The following ATXN7L1 variants were observed in gnomAD, a reference collection of about 807,000 sequenced individuals.
ATXN7L1 encodes the protein ataxin-7-like protein 1.
Under a neutral mutation model 70.8 loss-of-function variants are expected in ATXN7L1, and 15 were observed. The observed-to-expected ratio is 0.21, with a 90% CI of 0.14 to 0.33. The LOEUF is 0.33. ATXN7L1 is among the 10% of genes least tolerant of loss of function. ATXN7L1 has a pLI of 1.00. For synonymous variants in ATXN7L1, 440 were observed against 445.1 expected (o/e 0.99, Z 0.14); for missense variants, 975 against 1,097.1 (o/e 0.89, Z 1.57).
intron 3 of ATXN7L1, among the ~76,000 whole-genome samples, chr7:105,780,520 T>A (rs1803371073): frequency 6.6e-6 from 1 of 152,146 alleles, no homozygotes; most frequent in African/African-American, 2.4e-5. Flanking sequence ...CTCTTGTCTA[T>A]TGAATGACAT....
rs201514886 is a variant in ATXN7L1, at chr7:105,664,563, A to ATGTGTG, written c.578+502_578+503insCACACA. ...TATGTATAATATACATATATATATT[A>ATGTGTG]TGTATGTGTGTGTATATATATATAT... is the stretch of plus-strand genomic sequence containing the variant. On this transcript the variant is annotated intron_variant, in intron 4 of 11. Transcript: ENST00000419735. Among the ~76,000 whole-genome samples, 1,157 of 134,608 alleles carry ATGTGTG rather than the reference A, an allele frequency of 8.6e-3. 71 individuals are homozygous for ATGTGTG. Among genetic ancestry groups the ATGTGTG allele is most frequent in the African/African-American group, 0.033 (1,096 of 33,124 alleles). The allele number at this position is 134,608 out of a possible 152,430, so 88.3% of individuals were successfully genotyped here.
chr7:105,761,141 C>A, intron 3 of ATXN7L1: 2 of 1,215,638 alleles, frequency 1.6e-6, no homozygotes, highest in Non-Finnish European at 2.0e-6. Context: ...GCAGCTTAGA[C>A]CAGCTTTGTG....
intron 4 of ATXN7L1, among the ~76,000 whole-genome samples, chr7:105,656,719 C>T (rs912433065): frequency 5.3e-5 from 8 of 151,984 alleles, no homozygotes; most frequent in South Asian, 4.2e-4. Context: ...TACAGGTGCC[C>T]GCCACTACAC....
At chr7:105,850,322 C>G (rs1407985822) in intron 2 of ATXN7L1, among the ~76,000 whole-genome samples, 1 of 152,192 alleles carries the variant, frequency 6.6e-6, no homozygotes, top group African/African-American at 2.4e-5. Context: ...CCTTCACCAG[C>G]ACACTGTTCC....
chr7:105,714,997 C>T (rs1794368995), intron 3 of ATXN7L1, among the ~76,000 whole-genome samples: 1 of 152,166 alleles, frequency 6.6e-6, no homozygotes, highest in African/African-American at 2.4e-5. Context: ...CCCTCTGAGA[C>T]CTCCTGACTG....
At chr7:105,618,676 G>A (rs893116966) in intron 9 of ATXN7L1, among the ~76,000 whole-genome samples, 1 of 152,228 alleles carries the variant, frequency 6.6e-6, no homozygotes, top group East Asian at 1.9e-4. Context: ...CAGCTGGGGG[G>A]CCTCAGCTGT....
intron 2 of ATXN7L1, among the ~76,000 whole-genome samples, chr7:105,869,834 T>G (rs2392640): frequency 0.085 from 12,917 of 152,178 alleles, 1,845 homozygotes; most frequent in African/African-American, 0.29. Context: ...ATAAAACAAC[T>G]TATCGATCAT....
At chr7:105,849,275 A>T (rs977089673) in intron 2 of ATXN7L1, among the ~76,000 whole-genome samples, 6 of 152,196 alleles carry the variant, frequency 3.9e-5, no homozygotes, top group Admixed American at 3.3e-4. Flanking sequence ...CTCCTTGACA[A>T]CACCACAACT....
chr7:105,751,962 T>C (rs1171173764), intron 3 of ATXN7L1, among the ~76,000 whole-genome samples: 2 of 152,212 alleles, frequency 1.3e-5, no homozygotes, highest in Non-Finnish European at 2.9e-5. Flanking sequence ...ATATCAGCTC[T>C]CAAGGGAAGA....
At chr7:105,746,412 C>T (rs1798593443) in intron 3 of ATXN7L1, among the ~76,000 whole-genome samples, 2 of 152,216 alleles carry the variant, frequency 1.3e-5, no homozygotes, top group Admixed American at 6.5e-5. Context: ...CACTCCTTGA[C>T]ACTTCAGGCA....
intron 6 of ATXN7L1, 103 bp from the exon 7 acceptor site, chr7:105,638,712 G>A: frequency 1.4e-6 from 2 of 1,410,470 alleles, no homozygotes; most frequent in South Asian, 3.0e-5. Flanking sequence ...AAATTTAGAG[G>A]TGCTTGAAAA....
At chr7:105,673,696 G>A (rs1804136278) in intron 3 of ATXN7L1, among the ~76,000 whole-genome samples, 1 of 152,196 alleles carries the variant, frequency 6.6e-6, no homozygotes, top group South Asian at 2.1e-4. Context: ...TGGGAGCCGT[G>A]CCAGGAGCCA....
rs6958203 is a variant in ATXN7L1 at position 105,805,326 on chromosome 7, C to T, written c.251-16618G>A. On this transcript the variant is annotated intron_variant, in intron 2 of 11. Transcript: ENST00000419735. Reference sequence around the variant, plus strand: ...TAGTGCTGTGGGGTGGGAAGGAGAACGCCAGCTGCTCCAGGACTTGGTAAG... The same window carrying T: ...TAGTGCTGTGGGGTGGGAAGGAGAATGCCAGCTGCTCCAGGACTTGGTAAG... Among the ~76,000 whole-genome samples, 848 of 152,234 alleles carry T rather than the reference C, an allele frequency of 5.6e-3. 7 individuals are homozygous for T. The highest frequency in any genetic ancestry group is 0.019 in the African/African-American group (791 of 41,546).
intron 2 of ATXN7L1, among the ~76,000 whole-genome samples, chr7:105,868,023 C>G (rs74862118): frequency 0.068 from 10,312 of 152,250 alleles, 540 homozygotes; most frequent in East Asian, 0.26. Flanking sequence ...GCTTTGCTAT[C>G]TTTACTCCAG....
intron 3 of ATXN7L1, among the ~76,000 whole-genome samples, chr7:105,687,494 C>T (rs914796340): frequency 1.3e-5 from 2 of 152,294 alleles, no homozygotes; most frequent in Admixed American, 1.3e-4. Flanking sequence ...GAGGGTGGAT[C>T]ACATGAAGAG....
intron 2 of ATXN7L1, among the ~76,000 whole-genome samples, chr7:105,868,126 TACACATGGGTA>T (rs1290964966): frequency 6.6e-6 from 1 of 152,244 alleles, no homozygotes; most frequent in Non-Finnish European, 1.5e-5. Context: ...TGCCCAGCTC[TACACATGGGTA>T]ACTTCCTGTA....
At chr7:105,783,373 C>A (rs1803814350) in intron 3 of ATXN7L1, among the ~76,000 whole-genome samples, 2 of 152,156 alleles carry the variant, frequency 1.3e-5, no homozygotes, top group African/African-American at 4.8e-5. Flanking sequence ...GGTCTTAGTC[C>A]TCAGTTTCCT....
intron 9 of ATXN7L1, among the ~76,000 whole-genome samples, chr7:105,619,551 T>A (rs1370778689): frequency 0.014 from 760 of 52,654 alleles, 1 homozygote; most frequent in Non-Finnish European, 0.023. Context: ...TTTTTTTTTT[T>A]TTTTTTTTTT....
At position 105,613,976 on chromosome 7, in the gene ATXN7L1, A is replaced by G. The variant is rs1400265370; in HGVS notation, c.2358T>C (p.Ser786=). The G allele has an allele frequency of 6.4e-7, 1 of 1,552,206 alleles. No homozygotes were observed. Among genetic ancestry groups the G allele is most frequent in the Non-Finnish European group, 8.7e-7 (1 of 1,147,128 alleles). Residue 786 remains serine (S), a synonymous_variant, in exon 10 of 12, where the codon AGT becomes AGC. Transcript: ENST00000419735. ...TTTTAGTGATTTTACAGGCTTTGCT[A>G]CTAGAACTCGAGTTCTTACGCTTTT... The part of the protein sequence containing the change: ...EGKKRKNSSS[S]SKACKITKMP...
Sources: allele counts gnomAD v4.1 joint callset (sites outside exome capture counted in the v4.1 genomes callset), GRCh38; gene constraint gnomAD v4.1.1; transcripts MANE v1.5; gene names NCBI Gene and HGNC (gene_info 2026-07-23, HGNC 2026-07-21).